Variants in DESI2 observed in about 807,000 individuals in gnomAD.
DESI2 encodes the protein desumoylating isopeptidase 2.
In DESI2, 10 loss-of-function variants were observed where a neutral mutation model predicts 24.1. That is an observed-to-expected ratio of 0.41 (90% CI 0.26 to 0.70). The LOEUF is 0.70. Ranked by LOEUF, DESI2 falls within the 30% of genes least tolerant of loss-of-function variation. The pLI is 0.29. For synonymous variants in DESI2, 71 were observed against 87.7 expected, an observed-to-expected ratio of 0.81 and a Z score of 1.06; for missense variants, 122 against 234.9, an observed-to-expected ratio of 0.52 and a Z score of 3.14.
At chr1:244,681,395 T>G (rs2148799396) in intron 1 of DESI2, among the ~76,000 whole-genome samples, 1 of 152,216 alleles carries the variant, frequency 6.6e-6, no homozygotes, top group South Asian at 2.1e-4. Context: ...ACCATCAGTA[T>G]ATGTACTCAC....
At chr1:244,699,606 A>T (rs2148816463) in intron 4 of DESI2, among the ~76,000 whole-genome samples, 1 of 134,982 alleles carries the variant, frequency 7.4e-6, no homozygotes, top group Admixed American at 7.4e-5. Flanking sequence ...AAAAAAAAAA[A>T]AAAAAAAAAA....
intron 1 of DESI2, among the ~76,000 whole-genome samples, chr1:244,679,610 C>T (rs1676533917): frequency 6.6e-6 from 1 of 152,186 alleles, no homozygotes; most frequent in African/African-American, 2.4e-5. Flanking sequence ...TTGGCTCACG[C>T]CTGTAATCCC....
intron 1 of DESI2, among the ~76,000 whole-genome samples, chr1:244,679,259 C>G (rs1191577777): frequency 6.6e-6 from 1 of 152,022 alleles, no homozygotes; most frequent in Non-Finnish European, 1.5e-5. Context: ...CCAGGCTGGT[C>G]TTTTTCTGTG....
intron 1 of DESI2, among the ~76,000 whole-genome samples, chr1:244,684,610 T>C (rs1676750406): frequency 6.6e-6 from 1 of 152,218 alleles, no homozygotes; most frequent in Non-Finnish European, 1.5e-5. Context: ...AAAAAAAATC[T>C]CAGCTAATTT....
At chr1:244,665,886 A>G (rs966359304) in intron 1 of DESI2, among the ~76,000 whole-genome samples, 2 of 152,170 alleles carry the variant, frequency 1.3e-5, no homozygotes, top group South Asian at 2.1e-4. Flanking sequence ...CATCTGGGCT[A>G]TTCTGCAGTC....
chr1:244,705,518 C>A, intron 4 of DESI2, 38 bp from the exon 5 acceptor site: 1 of 1,553,490 alleles, frequency 6.4e-7, no homozygotes, highest in Non-Finnish European at 8.9e-7. Flanking sequence ...GTAATCTTAA[C>A]CTCTCTTACC....
At chr1:244,668,394 A>G (rs772108404) in intron 1 of DESI2, among the ~76,000 whole-genome samples, 2 of 152,218 alleles carry the variant, frequency 1.3e-5, no homozygotes, top group Non-Finnish European at 1.5e-5. Context: ...TTAGCCCACG[A>G]TCTCCACTAG....
At chr1:244,665,446 C>A (rs192876859) in intron 1 of DESI2, among the ~76,000 whole-genome samples, 2 of 152,286 alleles carry the variant, frequency 1.3e-5, no homozygotes, top group Middle Eastern at 3.4e-3. Context: ...CCTGAACTAA[C>A]TTCTGCACTC....
intron 4 of DESI2, among the ~76,000 whole-genome samples, chr1:244,693,673 C>T (rs1228043143): frequency 2.0e-5 from 3 of 152,108 alleles, no homozygotes; most frequent in East Asian, 1.9e-4. Context: ...TCAAGTGATC[C>T]GCCCGCCTCA....
intron 1 of DESI2, 165 bp downstream of exon 1, chr1:244,653,520 C>T (rs1306617135): frequency 6.1e-6 from 4 of 652,908 alleles, no homozygotes; most frequent in Middle Eastern, 4.1e-4. Flanking sequence ...ATTTTTTAAT[C>T]CTCGCACTCG....
intron 1 of DESI2, among the ~76,000 whole-genome samples, chr1:244,672,839 T>A (rs1676293494): frequency 6.6e-6 from 1 of 151,930 alleles, no homozygotes; most frequent in South Asian, 2.1e-4. Flanking sequence ...ATCGCCCCAT[T>A]GCACTCCAGC....
At chr1:244,694,540 C>T in intron 4 of DESI2, 1 of 779,564 alleles carries the variant, frequency 1.3e-6, no homozygotes, top group Non-Finnish European at 2.3e-6. Context: ...CTCATTCGAC[C>T]AGTCCCAGTG....
At chr1:244,654,003 A>C (rs937503752) in intron 1 of DESI2, 1 of 471,198 alleles carries the variant, frequency 2.1e-6, no homozygotes, top group South Asian at 1.5e-5. Context: ...CTCCTTTCCT[A>C]CACTCTGAAG....
intron 1 of DESI2, chr1:244,656,504 A>G (rs901454745): frequency 2.6e-5 from 4 of 152,184 alleles, no homozygotes; most frequent in Non-Finnish European, 5.9e-5. Flanking sequence ...TCTACCACCA[A>G]TAAAAACGTC....
At chr1:244,693,719 C>G (rs546599889) in intron 4 of DESI2, among the ~76,000 whole-genome samples, 1 of 152,220 alleles carries the variant, frequency 6.6e-6, no homozygotes, top group Non-Finnish European at 1.5e-5. Context: ...GCGTGAGCCA[C>G]GGCGCCCAGC....
intron 4 of DESI2, among the ~76,000 whole-genome samples, chr1:244,699,219 A>G (rs1486367439): frequency 2.6e-5 from 4 of 152,214 alleles, no homozygotes; most frequent in African/African-American, 9.7e-5. Flanking sequence ...CCATTTTGAA[A>G]TATTTTGAAA....
At chr1:244,681,291 T>C (rs2806612) in intron 1 of DESI2, among the ~76,000 whole-genome samples, 149,065 of 152,226 alleles carry the variant, frequency 0.98, 73,059 homozygotes, top group East Asian at 1. Context: ...ATACAGATGC[T>C]TCCCGTTACG....
At chr1:244,681,900 C>T (rs1166710115) in intron 1 of DESI2, among the ~76,000 whole-genome samples, 3 of 152,190 alleles carry the variant, frequency 2.0e-5, no homozygotes. Flanking sequence ...CTTGGTCTCA[C>T]TGACTTCAAG....
rs557249146 is a variant in DESI2 at position 244,690,908 on chromosome 1, G to T, written c.210-971G>T. On this transcript the variant is annotated intron_variant, in intron 3 of 4. Coordinates refer to ENST00000302550, the MANE Select transcript of DESI2 (RefSeq NM_016076.5). Reference sequence around the variant, plus strand: ...CCTATCACTGAATTGAAAGATTTTCGCACGTAAGTGCTATGATACCATCCT... The same window carrying T: ...CCTATCACTGAATTGAAAGATTTTCTCACGTAAGTGCTATGATACCATCCT... 5.9e-5 allele frequency among the ~76,000 whole-genome samples: 9 copies of T among 152,228 alleles called. No individual in the cohort carries two copies. In the East Asian group the frequency reaches 1.7e-3, roughly 29 times the overall value.
Sources: allele counts gnomAD v4.1 joint callset (sites outside exome capture counted in the v4.1 genomes callset), GRCh38; gene constraint gnomAD v4.1.1; transcripts MANE v1.5; gene names NCBI Gene and HGNC (gene_info 2026-07-23, HGNC 2026-07-21).